PRRC2B: variants seen among roughly 807,000 people sequenced by gnomAD.
The protein encoded by PRRC2B is proline rich coiled-coil 2B.
In PRRC2B, 68 loss-of-function variants were observed where a neutral mutation model predicts 242.3. The observed-to-expected ratio is 0.28, with a 90% confidence interval of 0.23 to 0.34. The LOEUF is 0.34. Ranked by LOEUF, PRRC2B falls within the 10% of genes least tolerant of loss-of-function variation. The probability of loss-of-function intolerance (pLI) is 1.00; values close to 1 mark genes in which losing one functional copy is unlikely to be tolerated. For synonymous variants in PRRC2B, 1,228 were observed against 1,173.6 expected, an observed-to-expected ratio of 1.05 and a Z score of -0.95; for missense variants, 2,835 against 2,954.8, an observed-to-expected ratio of 0.96 and a Z score of 0.94.
At chr9:131,421,440 C>T (rs971663610) in intron 1 of PRRC2B, among the ~76,000 whole-genome samples, 5 of 152,214 alleles carry the variant, frequency 3.3e-5, no homozygotes, top group Non-Finnish European at 5.9e-5. Flanking sequence ...CCAGTGGCCA[C>T]GTCCTTTTCT....
intron 1 of PRRC2B, among the ~76,000 whole-genome samples, chr9:131,425,233 G>A (rs376052985): frequency 3.9e-5 from 6 of 152,106 alleles, no homozygotes; most frequent in African/African-American, 1.2e-4. Flanking sequence ...TGATCCTCTC[G>A]CCTCGGCCTC....
rs77955981 is a variant in PRRC2B, at chr9:131,430,243, C to G, written c.99C>G (p.Asp33Glu). 4.4e-6 allele frequency: 7 copies of G among 1,593,354 alleles called. No homozygotes were observed. The highest frequency in any genetic ancestry group is 6.0e-6 in the Non-Finnish European group (7 of 1,168,354). The change falls in exon 2 of 32, where the codon GAC (aspartate) becomes GAG (glutamate). Residue 33 changes from aspartate to glutamate, a missense_variant. Asp to Glu is a conservative substitution (Grantham distance 45, BLOSUM62 2). This residue lies in a region of PRRC2B where 626 missense variants were observed against 685.5 expected (regional missense o/e 0.91). Transcript: ENST00000683519. ...LFDKYKGKSV[D>E]AIRSSVIPRH... ...ATAAGTATAAAGGAAAATCAGTAGA[C>G]GCGATTAGATCCTCAGGTAAGGCCC...
At chr9:131,490,602 C>T (rs1247828234) in intron 28 of PRRC2B, 1 of 518,988 alleles carries the variant, frequency 1.9e-6, no homozygotes, top group Non-Finnish European at 3.8e-6. Flanking sequence ...CTACCCCATC[C>T]TGTTCCCCTG....
intron 9 of PRRC2B, among the ~76,000 whole-genome samples, 199 bp from the exon 10 acceptor site, chr9:131,454,877 G>A (rs1255933807): frequency 2.7e-5 from 4 of 149,012 alleles, no homozygotes; most frequent in Admixed American, 6.6e-5. Flanking sequence ...CTCATGATCC[G>A]CCCACCTCAG....
At chr9:131,415,315 C>T (rs192950292) in intron 1 of PRRC2B, among the ~76,000 whole-genome samples, 2 of 152,336 alleles carry the variant, frequency 1.3e-5, no homozygotes, top group South Asian at 2.1e-4. Flanking sequence ...CGTTCATTGA[C>T]TCAAGTAATT....
intron 1 of PRRC2B, among the ~76,000 whole-genome samples, chr9:131,429,546 T>A (rs949078843): frequency 2.0e-5 from 3 of 152,168 alleles, no homozygotes; most frequent in Non-Finnish European, 4.4e-5. Context: ...GTACTAGTTG[T>A]TTATTTTGAA....
chr9:131,472,471 ATTT>A (rs749051569), intron 14 of PRRC2B, among the ~76,000 whole-genome samples: 6 of 91,522 alleles, frequency 6.6e-5, no homozygotes, highest in African/African-American at 1.8e-4. Flanking sequence ...CGCCCAGCTA[ATTT>A]TTTTTTTTTT....
Position 131,491,436 on chromosome 9 carries a change from A to T in PRRC2B, c.6237A>T (p.Pro2079=). ...LDSQLPQLTM[P]LPRYGSGQQP... Reference sequence around the variant, plus strand: ...TTGTCGCCCAGCAGCTGACCATGCCACTGCCTCGGTACGGCTCCGGGCAGC... The same window carrying T: ...TTGTCGCCCAGCAGCTGACCATGCCTCTGCCTCGGTACGGCTCCGGGCAGC... The change falls in exon 29 of 32, where the codon CCA becomes CCT. Residue 2079 remains proline, a synonymous_variant. Coordinates refer to ENST00000683519, the MANE Select transcript of PRRC2B (RefSeq NM_013318.4). The T allele has an allele frequency of 6.2e-7, 1 of 1,602,092 alleles. No homozygotes were observed. The highest frequency in any genetic ancestry group is 1.1e-5 in the South Asian group (1 of 88,498).
At chr9:131,427,113 A>G (rs187009475) in intron 1 of PRRC2B, among the ~76,000 whole-genome samples, 21 of 152,238 alleles carry the variant, frequency 1.4e-4, no homozygotes, top group African/African-American at 5.1e-4. Flanking sequence ...GTTCTTCATG[A>G]GCATTTCTTG....
rs753841093 is a variant in PRRC2B at position 131,498,641 on chromosome 9, G to C, written c.*2767G>C. On this transcript the variant is annotated 3_prime_UTR_variant, in exon 32 of 32. Coordinates refer to ENST00000683519, the MANE Select transcript of PRRC2B (RefSeq NM_013318.4). The stretch of plus-strand genomic sequence containing the variant: ...CCTCAGAGCGCAGATACATGCAGAG[G>C]CTTCTGCCAGGATACCACGGGGCCT... 6.6e-6 allele frequency: 1 copy of C among 152,246 alleles called. No individual in the cohort carries two copies. Among genetic ancestry groups the C allele is most frequent in the East Asian group, 1.9e-4 (1 of 5,198 alleles). 9.4% of individuals were successfully genotyped at this position (152,246 alleles called of 1,614,324 possible).
At chr9:131,481,690 C>T (rs1382976974) in intron 19 of PRRC2B, 36 bp from the exon 20 acceptor site, 2 of 1,520,350 alleles carry the variant, frequency 1.3e-6, no homozygotes, top group Middle Eastern at 1.7e-4. Flanking sequence ...ACGGGTTGCT[C>T]TTTGATGCCC....
At chr9:131,381,961 A>G (rs1446268576) in intron 1 of PRRC2B, among the ~76,000 whole-genome samples, 1 of 151,828 alleles carries the variant, frequency 6.6e-6, no homozygotes, top group African/African-American at 2.4e-5. Flanking sequence ...GCTGGTCTTG[A>G]ACTCCTGGCC....
intron 6 of PRRC2B, 102 bp downstream of exon 6, chr9:131,444,430 T>A: frequency 7.8e-7 from 1 of 1,284,606 alleles, no homozygotes; most frequent in Non-Finnish European, 1.0e-6. Context: ...GGGTCTCCGG[T>A]TCGAGCTGGA....
intron 11 of PRRC2B, 34 bp from the exon 12 acceptor site, chr9:131,464,729 C>T (rs563877651): frequency 6.5e-7 from 1 of 1,536,958 alleles, no homozygotes; most frequent in East Asian, 2.3e-5. Flanking sequence ...GGTCCCGGAC[C>T]CACCGCCTTA....
chr9:131,388,056 A>T (rs1836847277), intron 1 of PRRC2B, among the ~76,000 whole-genome samples: 1 of 149,510 alleles, frequency 6.7e-6, no homozygotes, highest in African/African-American at 2.4e-5. Context: ...GCTGGGTGCG[A>T]TGGCACACGC....
chr9:131,410,703 A>G (rs986068009), intron 1 of PRRC2B, among the ~76,000 whole-genome samples: 1 of 152,188 alleles, frequency 6.6e-6, no homozygotes, highest in African/African-American at 2.4e-5. Flanking sequence ...CGTTCAAGGA[A>G]CTAATTTTAT....
intron 1 of PRRC2B, among the ~76,000 whole-genome samples, chr9:131,382,271 C>T (rs1349701087): frequency 1.3e-5 from 2 of 152,168 alleles, no homozygotes; most frequent in Non-Finnish European, 2.9e-5. Context: ...CCCTCCTCGG[C>T]TTCTCAAAGT....
At position 131,439,075 on chromosome 9, in the gene PRRC2B, T is replaced by C. The variant is rs190992896; in HGVS notation, c.469+14T>C. ...GACACGAAGGTGGTAAGTGCGCACG[T>C]GTGTGTGTTGTTTGGGGACGCTGGG... is the stretch of plus-strand genomic sequence containing the variant. On this transcript the variant is annotated intron_variant, in intron 5 of 31. Coordinates refer to ENST00000683519, the MANE Select transcript of PRRC2B (RefSeq NM_013318.4). The C allele has an allele frequency of 5.9e-4, 955 of 1,609,072 alleles. 1 individual carries two copies. The highest frequency in any genetic ancestry group is 7.6e-4 in the Non-Finnish European group (892 of 1,176,224).
At chr9:131,417,618 C>A (rs1837694737) in intron 1 of PRRC2B, among the ~76,000 whole-genome samples, 1 of 152,174 alleles carries the variant, frequency 6.6e-6, no homozygotes, top group African/African-American at 2.4e-5. Flanking sequence ...TTGCCCCCTC[C>A]TTGCCAAAAC....
Sources: gnomAD v4.1 joint callset for allele counts (sites outside exome capture counted in the v4.1 genomes callset) on GRCh38, gnomAD v4.1.1 for gene constraint, gnomAD v4.1.1 regional missense constraint, MANE v1.5 for transcripts, NCBI Gene and HGNC (gene_info 2026-07-23, HGNC 2026-07-21) for gene names.